SUSD5: variants seen among roughly 807,000 people sequenced by gnomAD.
SUSD5 encodes sushi domain-containing protein 5.
Under a neutral mutation model 29.5 loss-of-function variants are expected in SUSD5, and 33 were observed. The ratio of observed to expected loss-of-function variants is 1.12; its 90% confidence interval spans 0.85 to 1.49. The LOEUF (loss-of-function observed/expected upper bound fraction) is 1.49. Ranked by LOEUF, SUSD5 falls within the 40% of genes most tolerant of loss-of-function variation. The probability of loss-of-function intolerance (pLI) is 0.00; values close to 1 mark genes in which losing one functional copy is unlikely to be tolerated. For missense variants in SUSD5, 776 were observed against 800.6 expected, an observed-to-expected ratio of 0.97 and a Z score of 0.37; for synonymous variants, 308 against 325.3, an observed-to-expected ratio of 0.95 and a Z score of 0.57.
chr3:33,165,849 A>G (rs1043617757), intron 4 of SUSD5, among the ~76,000 whole-genome samples: 8 of 152,186 alleles, frequency 5.3e-5, no homozygotes, highest in Non-Finnish European at 1.2e-4. Context: ...TCTCAAGAAC[A>G]ATATACTGTG....
intron 4 of SUSD5, among the ~76,000 whole-genome samples, chr3:33,155,994 T>C (rs1461348988): frequency 6.6e-6 from 1 of 152,180 alleles, no homozygotes; most frequent in Non-Finnish European, 1.5e-5. Flanking sequence ...AATTCATTGG[T>C]TTGTTGCCTT....
intron 4 of SUSD5, among the ~76,000 whole-genome samples, chr3:33,157,929 T>G (rs893094431): frequency 1.3e-5 from 2 of 152,238 alleles, no homozygotes; most frequent in Non-Finnish European, 2.9e-5. Flanking sequence ...ACTAAGTTTT[T>G]GGGGATGGTC....
At chr3:33,214,842 T>C (rs576616638) in intron 1 of SUSD5, among the ~76,000 whole-genome samples, 22 of 152,148 alleles carry the variant, frequency 1.4e-4, no homozygotes, top group African/African-American at 5.3e-4. Flanking sequence ...AGGAGCCTCC[T>C]GGAGGAATGA....
chr3:33,175,563 C>CTATA (rs144377358), intron 3 of SUSD5, among the ~76,000 whole-genome samples: 102 of 150,252 alleles, frequency 6.8e-4, no homozygotes, highest in South Asian at 1.9e-3. Flanking sequence ...CACACACACA[C>CTATA]TATATATATA....
At chr3:33,210,214 G>A (rs1362007240) in intron 2 of SUSD5, among the ~76,000 whole-genome samples, 1 of 152,192 alleles carries the variant, frequency 6.6e-6, no homozygotes, top group Non-Finnish European at 1.5e-5. Context: ...TGGAAATTCA[G>A]GGTCATCTCA....
chr3:33,173,647 C>T (rs2031484000), intron 4 of SUSD5, among the ~76,000 whole-genome samples: 1 of 152,192 alleles, frequency 6.6e-6, no homozygotes, highest in Admixed American at 6.5e-5. Context: ...GCAGGACATT[C>T]CAGGGACAAA....
chr3:33,207,032 G>A (rs768656559), intron 3 of SUSD5, among the ~76,000 whole-genome samples: 5 of 151,840 alleles, frequency 3.3e-5, no homozygotes, highest in African/African-American at 7.3e-5. Flanking sequence ...TTTTACAACC[G>A]TATGTGTTTC....
At chr3:33,179,334 C>T (rs13326104) in intron 3 of SUSD5, among the ~76,000 whole-genome samples, 4,783 of 151,974 alleles carry the variant, frequency 0.031, 242 homozygotes, top group African/African-American at 0.11. Context: ...AATCAATACC[C>T]GAAGAACCAG....
Position 33,153,122 on chromosome 3 carries a change from T to C in SUSD5, c.1510A>G (p.Lys504Glu). The C allele has an allele frequency of 6.2e-7, 1 of 1,613,900 alleles. No homozygotes were observed. Among genetic ancestry groups the C allele is most frequent in the South Asian group, 1.1e-5 (1 of 91,068 alleles). Residue 504 changes from lysine to glutamate, a missense_variant, in exon 5 of 5, where the codon AAG (lysine) becomes GAG (glutamate). Coordinates refer to ENST00000309558, the MANE Select transcript of SUSD5 (RefSeq NM_015551.2). Reference protein sequence around the residue: ...TLEILTVNTVKQTPNHIPSTI... With the variant: ...TLEILTVNTVEQTPNHIPSTI... ...GAGGGGATGTGGTTAGGTGTCTGCT[T>C]GACAGTGTTCACTGTTAATATCTCC...
chr3:33,153,055 A>T lies in SUSD5; in HGVS notation c.1577T>A (p.Val526Asp), dbSNP rs2030948623. The change falls in exon 5 of 5, where the codon GTT becomes GAT. Residue 526 changes from valine to aspartate, a missense_variant. Val to Asp is a radical substitution (Grantham distance 152, BLOSUM62 -3). Transcript: ENST00000309558. ...ATTQPPVETT[V>D]PEIQDSFPYL... ...TGGGAAGCTATCCTGGATCTCAGGA[A>T]CAGTGGTTTCTACTGGAGGCTGGGT... 6.2e-7 allele frequency: 1 copy of T among 1,613,732 alleles called. No homozygotes were observed. The highest frequency in any genetic ancestry group is 8.5e-7 in the Non-Finnish European group (1 of 1,179,810).
chr3:33,174,801 G>C, intron 4 of SUSD5, 85 bp downstream of exon 4: 1 of 1,499,396 alleles, frequency 6.7e-7, no homozygotes. Flanking sequence ...GTGGAGAAGA[G>C]CCCACCGCAT....
rs2030926065 is a variant in SUSD5 at position 33,152,617 on chromosome 3, A to G, written c.*125T>C. ...CCAGAGACACTTCTCAGCCTATAAA[A>G]CAAAGGGCTGAGGAAAAAATGATGA... On this transcript the variant is annotated 3_prime_UTR_variant, in exon 5 of 5. Coordinates refer to ENST00000309558, the MANE Select transcript of SUSD5 (RefSeq NM_015551.2). The G allele has an allele frequency of 5.3e-6, 6 of 1,121,520 alleles. No homozygotes were observed. The highest frequency in any genetic ancestry group is 7.5e-6 in the Non-Finnish European group (6 of 800,214). The allele number at this position is 1,121,520 out of a possible 1,614,324, so 69.5% of individuals were successfully genotyped here.
intron 3 of SUSD5, among the ~76,000 whole-genome samples, chr3:33,198,300 A>G (rs2032035275): frequency 6.6e-6 from 1 of 152,218 alleles, no homozygotes; most frequent in African/African-American, 2.4e-5. Context: ...ATTATTCCCA[A>G]GGCAAGTTAG....
chr3:33,151,549 T>C lies in SUSD5; in HGVS notation c.*1193A>G, dbSNP rs1478697662. On this transcript the variant is annotated 3_prime_UTR_variant, in exon 5 of 5. Transcript: ENST00000309558. ...GTGTTCGGCCCTCTGAAAACATTTC[T>C]TTTTTTTTTCTCCCGTGTCATTCTC... 6.8e-6 allele frequency: 1 copy of C among 146,556 alleles called. No individual in the cohort carries two copies. Among genetic ancestry groups the C allele is most frequent in the African/African-American group, 2.6e-5 (1 of 38,434 alleles). 9.1% of individuals were successfully genotyped at this position (146,556 alleles called of 1,614,324 possible).
chr3:33,153,961 A>G lies in SUSD5; in HGVS notation c.671T>C (p.Met224Thr). ...DDRSVSFREL[M>T]EDSRTEADED... ...ATCTGCCTCTGTCCGGGAATCCTCC[A>G]TGAGCTCTCTGAATGACACAGATCT... Residue 224 changes from methionine (M) to threonine (T), a missense_variant, in exon 5 of 5, where the codon ATG becomes ACG. By Grantham distance (81) the Met-to-Thr change is moderately conservative. Coordinates refer to ENST00000309558, the MANE Select transcript of SUSD5 (RefSeq NM_015551.2). 2 of 1,613,892 alleles carry G rather than the reference A, an allele frequency of 1.2e-6. No homozygotes were observed. The highest frequency in any genetic ancestry group is 1.1e-5 in the South Asian group (1 of 91,074).
At chr3:33,200,035 T>G (rs1392560120) in intron 3 of SUSD5, among the ~76,000 whole-genome samples, 1 of 152,204 alleles carries the variant, frequency 6.6e-6, no homozygotes, top group African/African-American at 2.4e-5. Flanking sequence ...TTCTGTTTAT[T>G]ATAAATCACC....
intron 4 of SUSD5, among the ~76,000 whole-genome samples, chr3:33,164,895 T>C (rs895888711): frequency 1.3e-5 from 2 of 152,086 alleles, no homozygotes; most frequent in South Asian, 2.1e-4. Context: ...AGAACTCTTA[T>C]ACATTGCTCT....
intron 3 of SUSD5, among the ~76,000 whole-genome samples, chr3:33,199,675 A>G (rs1280160557): frequency 6.6e-6 from 1 of 152,378 alleles, no homozygotes; most frequent in East Asian, 1.9e-4. Flanking sequence ...TCACTCTGCT[A>G]TAGACTGAAT....
chr3:33,153,604 G>A lies in SUSD5; in HGVS notation c.1028C>T (p.Thr343Ile). Residue 343 changes from threonine (T) to isoleucine (I), a missense_variant, in exon 5 of 5, where the codon ACT becomes ATT. Physicochemically the swap from Thr to Ile is moderately conservative, Grantham distance 89. Coordinates refer to ENST00000309558, the MANE Select transcript of SUSD5 (RefSeq NM_015551.2). The part of the protein sequence containing the change: ...EPETKVIYGN[T>I]DGPSGPFVGK... ...CACAAATGGCCCCGAGGGACCATCA[G>A]TGTTGCCGTAGATCACCTTGGTTTC... 3.7e-6 allele frequency: 6 copies of A among 1,614,030 alleles called. No homozygotes were observed. The highest frequency in any genetic ancestry group is 5.1e-6 in the Non-Finnish European group (6 of 1,179,908).
Sources: allele counts gnomAD v4.1 joint callset (sites outside exome capture counted in the v4.1 genomes callset), GRCh38; gene constraint gnomAD v4.1.1; transcripts MANE v1.5; gene names NCBI Gene and HGNC (gene_info 2026-07-23, HGNC 2026-07-21).